The following CUX1 variants were observed in gnomAD, a reference collection of about 807,000 sequenced individuals.
The protein encoded by CUX1 is cut like homeobox 1.
CUX1 carries 31 observed loss-of-function variants against 158.8 expected under a neutral mutation model. The ratio of observed to expected loss-of-function variants is 0.20; its 90% CI spans 0.15 to 0.26. CUX1 has a LOEUF of 0.26. Ranked by LOEUF, CUX1 falls within the 10% of genes least tolerant of loss-of-function variation. The pLI is 1.00. For missense variants in CUX1, 1,589 were observed against 2,014.6 expected, an observed-to-expected ratio of 0.79 and a Z score of 4.04; for synonymous variants, 879 against 862.1, an observed-to-expected ratio of 1.02 and a Z score of -0.34.
rs1415144445 is a variant in CUX1 at position 102,242,227 on chromosome 7, T to C, written c.3887+2643T>C. Among the ~76,000 whole-genome samples, 684 of 106,296 alleles carry C rather than the reference T, an allele frequency of 6.4e-3. 3 individuals carry two copies. Among genetic ancestry groups the C allele is most frequent in the Middle Eastern group, 0.018 (4 of 226 alleles). 69.7% of individuals were successfully genotyped at this position (106,296 alleles called of 152,430 possible). ...TTTCTTTTTTTTTTTTTTTTTTTTTTCTGAGACAGAGCCTTGCTCTGTCAC... is the reference window on the plus strand; with the variant it reads ...TTTCTTTTTTTTTTTTTTTTTTTTTCCTGAGACAGAGCCTTGCTCTGTCAC... On this transcript the variant is annotated intron_variant, in intron 23 of 23. Coordinates refer to ENST00000292535, the MANE Select transcript of CUX1 (RefSeq NM_181552.4).
intron 1 of CUX1, among the ~76,000 whole-genome samples, chr7:101,912,863 T>C (rs1803656020): frequency 6.6e-6 from 1 of 152,176 alleles, no homozygotes; most frequent in South Asian, 2.1e-4. Context: ...GACTTTTTAA[T>C]GCCTTTCAGA....
At chr7:101,975,051 C>G (rs566513582) in intron 2 of CUX1, among the ~76,000 whole-genome samples, 1 of 152,106 alleles carries the variant, frequency 6.6e-6, no homozygotes, top group South Asian at 2.1e-4. Flanking sequence ...GGTTCGAGAC[C>G]AGCCTGGCCA....
At chr7:101,959,394 C>T (rs1460583356) in intron 2 of CUX1, 1 of 152,088 alleles carries the variant, frequency 6.6e-6, no homozygotes, top group Non-Finnish European at 1.5e-5. Flanking sequence ...TTCTCTCCCT[C>T]CTATCCCAGA....
chr7:101,908,333 A>T (rs555662954), intron 1 of CUX1, among the ~76,000 whole-genome samples: 10 of 151,848 alleles, frequency 6.6e-5, no homozygotes, highest in Non-Finnish European at 1.3e-4. Flanking sequence ...TTTAGTAGAG[A>T]CAGGGTTTCG....
At chr7:101,929,532 A>G (rs1267220194) in intron 2 of CUX1, among the ~76,000 whole-genome samples, 1 of 152,246 alleles carries the variant, frequency 6.6e-6, no homozygotes, top group Non-Finnish European at 1.5e-5. Flanking sequence ...TCTTCTCAGC[A>G]AACAACTTTG....
intron 4 of CUX1, among the ~76,000 whole-genome samples, chr7:102,071,749 C>T (rs1014988647): frequency 3.3e-5 from 5 of 152,150 alleles, no homozygotes; most frequent in South Asian, 2.1e-4. Context: ...ACACCAAACA[C>T]GGGATGGCAG....
chr7:101,870,156 T>TTG (rs1169552898), intron 1 of CUX1, among the ~76,000 whole-genome samples: 12 of 149,128 alleles, frequency 8.0e-5, no homozygotes, highest in African/African-American at 2.7e-4. Context: ...TTTTTTTGTT[T>TTG]TTTTTTTTTT....
chr7:102,264,160 C>T (rs1343478882), intron 14 of CUX1, among the ~76,000 whole-genome samples: 4 of 151,590 alleles, frequency 2.6e-5, no homozygotes, highest in African/African-American at 7.3e-5. Flanking sequence ...CGCCCACCAC[C>T]GCGCCCGGCT....
At chr7:101,912,790 G>A (rs59042693) in intron 1 of CUX1, among the ~76,000 whole-genome samples, 18,356 of 152,140 alleles carry the variant, frequency 0.12, 1,215 homozygotes, top group South Asian at 0.18. Flanking sequence ...ATCTGTGAGG[G>A]GCTAAACCGA....
chr7:102,280,792 C>G (rs201909563), intron 19 of CUX1: 2 of 1,612,880 alleles, frequency 1.2e-6, no homozygotes, highest in Admixed American at 1.7e-5. Context: ...CTGACTGTCC[C>G]TCCCTGTGCA....
intron 6 of CUX1, among the ~76,000 whole-genome samples, chr7:102,109,084 T>C (rs1159008571): frequency 2.0e-5 from 3 of 152,202 alleles, no homozygotes; most frequent in African/African-American, 4.8e-5. Flanking sequence ...TTAAATATTA[T>C]AATTTTTTGT....
intron 2 of CUX1, among the ~76,000 whole-genome samples, chr7:101,953,803 T>A (rs1809414661): frequency 1.3e-5 from 2 of 152,132 alleles, no homozygotes; most frequent in African/African-American, 4.8e-5. Flanking sequence ...TTTAAGGGTT[T>A]TCTTCTGGGA....
chr7:101,965,490 T>A (rs1411624680), intron 2 of CUX1, among the ~76,000 whole-genome samples: 2 of 152,170 alleles, frequency 1.3e-5, no homozygotes, highest in African/African-American at 4.8e-5. Context: ...GGCCTGGCCC[T>A]GTCCTGCAGT....
chr7:102,230,325 T>A (rs1193922078), intron 21 of CUX1, among the ~76,000 whole-genome samples: 1 of 151,196 alleles, frequency 6.6e-6, no homozygotes, highest in Non-Finnish European at 1.5e-5. Context: ...AAAAAAAATT[T>A]TTTAAAAATT....
chr7:102,045,590 C>G (rs1320490229), intron 3 of CUX1, among the ~76,000 whole-genome samples: 1 of 152,288 alleles, frequency 6.6e-6, no homozygotes, highest in East Asian at 1.9e-4. Flanking sequence ...CAACGGCAAG[C>G]TGGAGCGATT....
intron 9 of CUX1, among the ~76,000 whole-genome samples, chr7:102,162,849 A>C (rs1444590649): frequency 2.0e-5 from 3 of 152,144 alleles, no homozygotes; most frequent in Non-Finnish European, 4.4e-5. Flanking sequence ...GGCTCTCCAG[A>C]GTTGCCACGC....
chr7:102,111,484 G>A (rs1830874238), intron 6 of CUX1, among the ~76,000 whole-genome samples: 1 of 152,150 alleles, frequency 6.6e-6, no homozygotes, highest in Non-Finnish European at 1.5e-5. Context: ...CCCACGGGTT[G>A]CACACTTGCC....
rs1248618884 is a variant in CUX1 at position 102,123,608 on chromosome 7, CAAAAAAA to C, written c.674+8348_674+8354del. ...TGGGTGGCAGAGTGAGACTCCGTCT[CAAAAAAA>C]AAAAAAAAAAAATTATCATACAGTC... On this transcript the variant is annotated intron_variant, in intron 8 of 23. Transcript: ENST00000292535. 6.3e-3 allele frequency among the ~76,000 whole-genome samples: 562 copies of C among 88,608 alleles called. 2 individuals are homozygous for C. Among genetic ancestry groups the C allele is most frequent in the South Asian group, 0.024 (63 of 2,614 alleles). The allele number at this position is 88,608 out of a possible 152,430, so 58.1% of individuals were successfully genotyped here. A position where few individuals can be genotyped will look rare whatever the true frequency, so the allele number is the denominator to read the frequency against.
At chr7:102,215,689 C>G (rs990503014) in intron 20 of CUX1, among the ~76,000 whole-genome samples, 3 of 152,190 alleles carry the variant, frequency 2.0e-5, no homozygotes, top group Non-Finnish European at 4.4e-5. Flanking sequence ...CAACTTGGTT[C>G]TGCCCGGGTC....
Sources: gnomAD v4.1 joint callset for allele counts (sites outside exome capture counted in the v4.1 genomes callset) on GRCh38, gnomAD v4.1.1 for gene constraint, MANE v1.5 for transcripts, NCBI Gene and HGNC (gene_info 2026-07-23, HGNC 2026-07-21) for gene names.